PXDNL: variants seen among roughly 807,000 people sequenced by gnomAD.
The protein encoded by PXDNL is probable oxidoreductase PXDNL.
In PXDNL, 145 loss-of-function variants were observed where a neutral mutation model predicts 150.8. The observed-to-expected ratio is 0.96, with a 90% confidence interval of 0.84 to 1.10. The LOEUF (loss-of-function observed/expected upper bound fraction) is 1.10, where lower values mean the gene tolerates loss of function less well. PXDNL is among the 50% of genes least tolerant of loss of function. PXDNL has a pLI of 0.00. For missense variants in PXDNL, 2,087 were observed against 1,873.9 expected, an observed-to-expected ratio of 1.11 and a Z score of -2.10; for synonymous variants, 757 against 725.7, an observed-to-expected ratio of 1.04 and a Z score of -0.69.
chr8:51,323,356 T>C (rs1219616013), intron 21 of PXDNL, among the ~76,000 whole-genome samples: 1 of 152,216 alleles, frequency 6.6e-6, no homozygotes, highest in Admixed American at 6.5e-5. Flanking sequence ...CATGGCTCAC[T>C]GTATCCTCAA....
chr8:51,392,734 C>T (rs968714258), intron 17 of PXDNL, among the ~76,000 whole-genome samples: 2 of 152,098 alleles, frequency 1.3e-5, no homozygotes. Flanking sequence ...CCTTTATTTC[C>T]TTCTCCTGCC....
intron 1 of PXDNL, among the ~76,000 whole-genome samples, chr8:51,733,850 TATATATG>T (rs1485397382): frequency 1.4e-5 from 2 of 146,324 alleles, no homozygotes; most frequent in African/African-American, 2.5e-5. Context: ...ATATATATGA[TATATATG>T]ATATATGATA....
In PXDNL at chr8:51,405,726, G is replaced by A. The variant is rs149064960; in HGVS notation, c.3557+2341C>T. On this transcript the variant is annotated intron_variant, in intron 17 of 22. Coordinates refer to ENST00000356297, the MANE Select transcript of PXDNL (RefSeq NM_144651.5). ...ATGTTTCATATTTTACAAATTTGCC[G>A]TTAATGAAAGGGGAAAGTCAGGCAT... Among the ~76,000 whole-genome samples the A allele has an allele frequency of 7.2e-5, 11 of 152,252 alleles. No individual in the cohort carries two copies. In the East Asian group the frequency reaches 1.9e-3, roughly 27 times the overall value.
chr8:51,533,928 G>T (rs1011884516), intron 4 of PXDNL, among the ~76,000 whole-genome samples: 1 of 151,020 alleles, frequency 6.6e-6, no homozygotes, highest in Non-Finnish European at 1.5e-5. Context: ...AGTGAGGAGC[G>T]TCTCTGCCTG....
intron 1 of PXDNL, among the ~76,000 whole-genome samples, chr8:51,754,662 C>T (rs1425343390): frequency 6.6e-6 from 1 of 152,058 alleles, no homozygotes; most frequent in Non-Finnish European, 1.5e-5. Flanking sequence ...CGCCACCATG[C>T]CCGGCTAATT....
intron 3 of PXDNL, among the ~76,000 whole-genome samples, chr8:51,577,200 A>C (rs1813074657): frequency 6.6e-6 from 1 of 151,898 alleles, no homozygotes. Flanking sequence ...AGAAAAAAGG[A>C]AACAACATAT....
intron 1 of PXDNL, among the ~76,000 whole-genome samples, chr8:51,695,270 C>A (rs1040543052): frequency 6.6e-6 from 1 of 152,128 alleles, no homozygotes; most frequent in Non-Finnish European, 1.5e-5. Context: ...AATGAATTAT[C>A]ATTTCCTATC....
chr8:51,520,207 T>C (rs1811632130), intron 4 of PXDNL, among the ~76,000 whole-genome samples: 1 of 152,120 alleles, frequency 6.6e-6, no homozygotes, highest in Admixed American at 6.5e-5. Context: ...AGAATTAAAG[T>C]CTCAACCTTG....
chr8:51,663,943 T>C (rs549597331), intron 1 of PXDNL, among the ~76,000 whole-genome samples: 29 of 150,512 alleles, frequency 1.9e-4, no homozygotes, highest in African/African-American at 5.6e-4. Flanking sequence ...CCCAGCTACT[T>C]GGGAGGCTGA....
chr8:51,343,537 G>C (rs1396706649), intron 20 of PXDNL, among the ~76,000 whole-genome samples: 1 of 152,212 alleles, frequency 6.6e-6, no homozygotes, highest in Non-Finnish European at 1.5e-5. Flanking sequence ...GGCAACATCT[G>C]AGCTGGGCTT....
rs532851155 is a variant in PXDNL, at chr8:51,634,963, T to G, written c.236+19726A>C. Among the ~76,000 whole-genome samples, 11 of 152,226 alleles carry G rather than the reference T, an allele frequency of 7.2e-5. No homozygotes were observed. The South Asian group carries it at 1.9e-3, about 26-fold the overall frequency. On this transcript the variant is annotated intron_variant, in intron 2 of 22. Coordinates refer to ENST00000356297, the MANE Select transcript of PXDNL (RefSeq NM_144651.5). ...CTTCTTCTTTTCCTATTTGGAAGTC[T>G]TTTATTTCTTTCTCTAGTCTGATTT... is the stretch of plus-strand genomic sequence containing the variant.
chr8:51,329,174 G>A (rs79833846), intron 21 of PXDNL, among the ~76,000 whole-genome samples: 4,794 of 152,222 alleles, frequency 0.031, 239 homozygotes, highest in African/African-American at 0.11. Flanking sequence ...GGTTTCATCA[G>A]AGGATGATAA....
At chr8:51,536,625 GT>G (rs11310622) in intron 4 of PXDNL, among the ~76,000 whole-genome samples, 29,187 of 147,434 alleles carry the variant, frequency 0.2, 3,856 homozygotes, top group African/African-American at 0.37. Flanking sequence ...AAGTCTTTCA[GT>G]TTTTTTTTTT....
chr8:51,752,651 C>G (rs2037057981), intron 1 of PXDNL, among the ~76,000 whole-genome samples: 1 of 97,776 alleles, frequency 1.0e-5, no homozygotes, highest in African/African-American at 4.0e-5. Context: ...CCCCCACCTG[C>G]ACAGTAAGGT....
chr8:51,669,251 G>C (rs1348080536), intron 1 of PXDNL, among the ~76,000 whole-genome samples: 1 of 152,198 alleles, frequency 6.6e-6, no homozygotes, highest in Non-Finnish European at 1.5e-5. Flanking sequence ...GGATCAAAAA[G>C]AGAACTAGAC....
At chr8:51,600,934 T>C (rs557617361) in intron 2 of PXDNL, among the ~76,000 whole-genome samples, 2 of 137,790 alleles carry the variant, frequency 1.5e-5, no homozygotes, top group East Asian at 3.9e-4. Flanking sequence ...TTATATAATT[T>C]ATATAATAAA....
chr8:51,581,449 G>A lies in PXDNL; in HGVS notation c.308+11178C>T, dbSNP rs7837723. ...GGTTGCAGTGCAGTGAGCTGAGATCGCACCACTGCACTCCAGCCTAGATGA... is the reference window on the plus strand; with the variant it reads ...GGTTGCAGTGCAGTGAGCTGAGATCACACCACTGCACTCCAGCCTAGATGA... On this transcript the variant is annotated intron_variant, in intron 3 of 22. Transcript: ENST00000356297. Among the ~76,000 whole-genome samples the A allele has an allele frequency of 3.9e-3, 600 of 151,922 alleles. 8 individuals carry two copies. The highest frequency in any genetic ancestry group is 0.014 in the African/African-American group (578 of 41,416).
At chr8:51,603,502 T>A (rs1023968397) in intron 2 of PXDNL, among the ~76,000 whole-genome samples, 1 of 152,052 alleles carries the variant, frequency 6.6e-6, no homozygotes, top group African/African-American at 2.4e-5. Context: ...TTTTCTTTCA[T>A]CATATTTTGT....
chr8:51,776,286 T>G (rs2037352622), intron 1 of PXDNL, among the ~76,000 whole-genome samples: 1 of 152,134 alleles, frequency 6.6e-6, no homozygotes, highest in Non-Finnish European at 1.5e-5. Flanking sequence ...AAGCATGTGA[T>G]CTCTGTGACC....
Sources: allele counts gnomAD v4.1 joint callset (sites outside exome capture counted in the v4.1 genomes callset), GRCh38; gene constraint gnomAD v4.1.1; transcripts MANE v1.5; gene names NCBI Gene and HGNC (gene_info 2026-07-23, HGNC 2026-07-21).